Variants in SLC39A11 observed in about 807,000 individuals in gnomAD.
SLC39A11 encodes the protein zinc transporter ZIP11.
Under a neutral mutation model 36.1 loss-of-function variants are expected in SLC39A11, and 33 were observed. That is an observed-to-expected ratio of 0.91 (90% confidence interval 0.69 to 1.22). The LOEUF (loss-of-function observed/expected upper bound fraction) is 1.22, where lower values mean the gene tolerates loss of function less well. Ranked by LOEUF, SLC39A11 falls within the 50% of genes most tolerant of loss-of-function variation. The pLI, the probability that SLC39A11 is intolerant of heterozygous loss-of-function variation, is 0.00. For synonymous variants in SLC39A11, 166 were observed against 170.3 expected (o/e 0.97, Z 0.20); for missense variants, 432 against 430.3 (o/e 1.00, Z -0.03).
At chr17:73,061,637 T>G (rs2059842842) in intron 3 of SLC39A11, among the ~76,000 whole-genome samples, 1 of 152,190 alleles carries the variant, frequency 6.6e-6, no homozygotes, top group African/African-American at 2.4e-5. Flanking sequence ...ACATTAAGCG[T>G]AGACTCATAG....
intron 5 of SLC39A11, among the ~76,000 whole-genome samples, chr17:72,917,003 G>A (rs1028302542): frequency 4.6e-5 from 7 of 152,200 alleles, no homozygotes; most frequent in Non-Finnish European, 1.5e-5. Flanking sequence ...AGAAAGGAAT[G>A]GACCAGTACA....
intron 4 of SLC39A11, among the ~76,000 whole-genome samples, chr17:73,026,736 A>G (rs2058569849): frequency 6.6e-6 from 1 of 152,076 alleles, no homozygotes; most frequent in Non-Finnish European, 1.5e-5. Flanking sequence ...GACTAAAAAT[A>G]AAGAATTGAC....
intron 3 of SLC39A11, among the ~76,000 whole-genome samples, chr17:73,042,999 G>A (rs144705110): frequency 1.5e-3 from 229 of 152,310 alleles, no homozygotes; most frequent in Non-Finnish European, 2.2e-3. Flanking sequence ...AGCTAGTGTG[G>A]ATCTGGGCGC....
chr17:72,844,450 G>C (rs35450802), intron 6 of SLC39A11, among the ~76,000 whole-genome samples: 66,190 of 152,008 alleles, frequency 0.44, 14,695 homozygotes, highest in East Asian at 0.67. Flanking sequence ...AGGTGGATCA[G>C]TTGAGTCCAG....
chr17:72,926,119 G>A (rs938971169), intron 5 of SLC39A11, among the ~76,000 whole-genome samples: 2 of 152,184 alleles, frequency 1.3e-5, no homozygotes, highest in Non-Finnish European at 2.9e-5. Flanking sequence ...GAGCTCAATT[G>A]GTTCCATATA....
intron 6 of SLC39A11, among the ~76,000 whole-genome samples, chr17:72,832,123 C>A (rs563727426): frequency 6.6e-6 from 1 of 152,310 alleles, no homozygotes; most frequent in Non-Finnish European, 1.5e-5. Flanking sequence ...CTACTAACTA[C>A]TGCATTAGTA....
At chr17:72,796,665 G>A (rs2076905145) in intron 6 of SLC39A11, among the ~76,000 whole-genome samples, 1 of 152,162 alleles carries the variant, frequency 6.6e-6, no homozygotes, top group South Asian at 2.1e-4. Flanking sequence ...GGCACGCTGT[G>A]CCCAGAGCAA....
intron 4 of SLC39A11, among the ~76,000 whole-genome samples, chr17:73,023,474 G>GT (rs879945326): frequency 6.6e-6 from 1 of 151,700 alleles, no homozygotes; most frequent in Non-Finnish European, 1.5e-5. Context: ...AATGGTGCTG[G>GT]TTTTTTTTGT....
intron 4 of SLC39A11, among the ~76,000 whole-genome samples, chr17:73,024,727 T>A (rs1455658149): frequency 1.3e-5 from 2 of 152,096 alleles, no homozygotes; most frequent in African/African-American, 4.8e-5. Context: ...AGACAAAGTC[T>A]TGCTATGCCA....
At chr17:73,016,929 C>T (rs1427037847) in intron 4 of SLC39A11, among the ~76,000 whole-genome samples, 1 of 152,192 alleles carries the variant, frequency 6.6e-6, no homozygotes, top group Non-Finnish European at 1.5e-5. Flanking sequence ...TCTAGCTCTC[C>T]ACTTAAGCGC....
chr17:73,079,285 C>T (rs9916324), intron 3 of SLC39A11, among the ~76,000 whole-genome samples: 51,323 of 151,784 alleles, frequency 0.34, 9,208 homozygotes, highest in South Asian at 0.45. Flanking sequence ...TTAGCAGAGA[C>T]GGGGTTTCAC....
At chr17:72,653,862 G>A (rs1228398202) in intron 7 of SLC39A11, among the ~76,000 whole-genome samples, 1 of 152,168 alleles carries the variant, frequency 6.6e-6, no homozygotes, top group African/African-American at 2.4e-5. Context: ...TCTAGGAGGT[G>A]AGGCCCTGGG....
intron 5 of SLC39A11, chr17:72,947,479 C>G (rs1035521389): frequency 1.2e-5 from 6 of 496,566 alleles, no homozygotes; most frequent in Admixed American, 3.2e-5. Context: ...CAGAGTGACC[C>G]CACTGTCCAC....
intron 6 of SLC39A11, among the ~76,000 whole-genome samples, chr17:72,799,007 G>A (rs1314784624): frequency 1.3e-5 from 2 of 151,298 alleles, no homozygotes; most frequent in Non-Finnish European, 1.5e-5. Flanking sequence ...GGTTGGTGGA[G>A]GAGGGGAGAG....
intron 7 of SLC39A11, among the ~76,000 whole-genome samples, chr17:72,692,471 G>A (rs1227380266): frequency 6.6e-6 from 1 of 152,196 alleles, no homozygotes; most frequent in African/African-American, 2.4e-5. Flanking sequence ...CAGAATCATG[G>A]CGGAAGGCAA....
intron 6 of SLC39A11, among the ~76,000 whole-genome samples, chr17:72,827,863 G>A (rs2145658709): frequency 6.6e-6 from 1 of 152,344 alleles, no homozygotes; most frequent in Non-Finnish European, 1.5e-5. Flanking sequence ...CCCCTGGCCA[G>A]GTTACTGTGG....
chr17:72,675,644 C>T (rs770121603), intron 7 of SLC39A11, among the ~76,000 whole-genome samples: 6 of 152,118 alleles, frequency 3.9e-5, no homozygotes, highest in Non-Finnish European at 7.3e-5. Flanking sequence ...CTAGTCGTTG[C>T]TCTGTGAGTG....
intron 4 of SLC39A11, among the ~76,000 whole-genome samples, chr17:72,963,461 C>T (rs574445904): frequency 2.6e-5 from 4 of 152,158 alleles, no homozygotes; most frequent in Admixed American, 6.5e-5. Flanking sequence ...TGAGCCACCG[C>T]GCCCGGCCAC....
chr17:72,667,083 G>C, intron 7 of SLC39A11, among the ~76,000 whole-genome samples: 1 of 152,216 alleles, frequency 6.6e-6, no homozygotes, highest in East Asian at 1.9e-4. Flanking sequence ...AATGTCTTGT[G>C]AATAGCAGGG....
Sources: gnomAD v4.1 joint callset for allele counts (sites outside exome capture counted in the v4.1 genomes callset) on GRCh38, gnomAD v4.1.1 for gene constraint, MANE v1.5 for transcripts, NCBI Gene and HGNC (gene_info 2026-07-23, HGNC 2026-07-21) for gene names.